PDE6A: variants seen among roughly 807,000 people sequenced by gnomAD.
PDE6A encodes phosphodiesterase 6A, also known as rod cGMP-specific 3',5'-cyclic phosphodiesterase subunit alpha.
PDE6A carries 84 observed loss-of-function variants against 106.3 expected under a neutral mutation model. The ratio of observed to expected loss-of-function variants is 0.79; its 90% CI spans 0.66 to 0.95. The LOEUF (loss-of-function observed/expected upper bound fraction) is 0.95. PDE6A is among the 40% of genes least tolerant of loss of function. The pLI is 0.00. For missense variants in PDE6A, 1,052 were observed against 1,084.9 expected (o/e 0.97, Z 0.43); for synonymous variants, 394 against 386.6 (o/e 1.02, Z -0.23).
chr5:149,935,010 T>G (rs771897274), intron 1 of PDE6A, among the ~76,000 whole-genome samples: 10 of 152,172 alleles, frequency 6.6e-5, no homozygotes, highest in Non-Finnish European at 1.2e-4. Flanking sequence ...TAGAGAAGGC[T>G]TTCTTGAGGT....
At chr5:149,921,873 AAT>A (rs1444982854) in intron 4 of PDE6A, among the ~76,000 whole-genome samples, 164 bp from the exon 5 acceptor site, 1 of 152,190 alleles carries the variant, frequency 6.6e-6, no homozygotes, top group African/African-American at 2.4e-5. Context: ...ACAGTTAGAA[AAT>A]AGTCACATTT....
intron 1 of PDE6A, among the ~76,000 whole-genome samples, chr5:149,943,170 G>A (rs4705100): frequency 2.8e-4 from 43 of 152,106 alleles, no homozygotes; most frequent in African/African-American, 9.4e-4. Context: ...GCGGCCTTCC[G>A]CAGTGCATTG....
chr5:149,867,287 A>G (rs942827125), intron 19 of PDE6A: 19 of 226,684 alleles, frequency 8.4e-5, no homozygotes, highest in Non-Finnish European at 1.6e-4. Flanking sequence ...TTAACTTTCA[A>G]TGTTGACAGG....
chr5:149,895,920 C>T (rs537769622), intron 12 of PDE6A, among the ~76,000 whole-genome samples: 21 of 152,280 alleles, frequency 1.4e-4, no homozygotes, highest in African/African-American at 4.8e-4. Flanking sequence ...TCAGGCAATT[C>T]TGCATATCAT....
At chr5:149,914,398 C>T (rs1222807358) in intron 6 of PDE6A, among the ~76,000 whole-genome samples, 1 of 152,162 alleles carries the variant, frequency 6.6e-6, no homozygotes, top group Non-Finnish European at 1.5e-5. Flanking sequence ...CTGCAGTTTT[C>T]CATGTTTTGA....
At chr5:149,896,566 T>A in intron 11 of PDE6A, 64 bp from the exon 12 acceptor site, 1 of 1,613,940 alleles carries the variant, frequency 6.2e-7, no homozygotes, top group Non-Finnish European at 8.5e-7. Flanking sequence ...CCACCTCCTG[T>A]CCAGCCCTGT....
At chr5:149,937,774 C>G (rs1754225824) in intron 1 of PDE6A, among the ~76,000 whole-genome samples, 1 of 152,214 alleles carries the variant, frequency 6.6e-6, no homozygotes, top group South Asian at 2.1e-4. Context: ...TGTTGCATCT[C>G]ATGATGAGAT....
intron 20 of PDE6A, among the ~76,000 whole-genome samples, chr5:149,864,230 T>C (rs1178178243): frequency 1.4e-5 from 2 of 144,314 alleles, no homozygotes; most frequent in Non-Finnish European, 1.5e-5. Context: ...GAAATCGGGA[T>C]GTTGAGAAGA....
intron 13 of PDE6A, among the ~76,000 whole-genome samples, chr5:149,892,216 TGAGATGG>T (rs1752570765): frequency 6.6e-6 from 1 of 152,032 alleles, no homozygotes; most frequent in East Asian, 1.9e-4. Context: ...CTTGGGAGGC[TGAGATGG>T]GAGGATCACT....
chr5:149,893,694 G>C (rs1752628093), intron 13 of PDE6A, among the ~76,000 whole-genome samples: 1 of 152,214 alleles, frequency 6.6e-6, no homozygotes, highest in East Asian at 1.9e-4. Flanking sequence ...ACTGGACCCT[G>C]TTCAGGAGCT....
intron 17 of PDE6A, among the ~76,000 whole-genome samples, chr5:149,869,262 G>A (rs1411723697): frequency 3.3e-5 from 5 of 151,646 alleles, no homozygotes; most frequent in African/African-American, 7.3e-5. Flanking sequence ...CTCGGGAGGC[G>A]GAGGTTGCAG....
intron 20 of PDE6A, among the ~76,000 whole-genome samples, chr5:149,865,581 T>C (rs1048499099): frequency 8.5e-5 from 13 of 152,216 alleles, no homozygotes; most frequent in Admixed American, 8.5e-4. Context: ...CACTTCTTCC[T>C]AGCAAAGGGC....
intron 17 of PDE6A, among the ~76,000 whole-genome samples, chr5:149,876,131 A>C (rs976331689): frequency 6.6e-6 from 1 of 152,164 alleles, no homozygotes; most frequent in African/African-American, 2.4e-5. Context: ...CTAAGTGTTG[A>C]AAAATTTTCT....
chr5:149,913,381 TAA>T (rs11343433), intron 6 of PDE6A, among the ~76,000 whole-genome samples: 3,799 of 137,424 alleles, frequency 0.028, 77 homozygotes, highest in Non-Finnish European at 0.04. Context: ...GACTCCATCT[TAA>T]AAAAAAAAAA....
In PDE6A at chr5:149,944,370, G is replaced by T. The variant is rs141252097; in HGVS notation, c.304C>A (p.Arg102Ser). 1.5e-4 allele frequency: 239 copies of T among 1,614,124 alleles called. No homozygotes were observed. The highest frequency in any genetic ancestry group is 3.0e-4 in the South Asian group (27 of 91,074). Reference protein sequence around the residue: ...DRMSLFMYRTRNGIAELATRL... With the variant: ...DRMSLFMYRTSNGIAELATRL... ...GTGGCCAGCTCTGCGATGCCATTGC[G>T]GGTCCGGTACATGAACAGGCTCATG... The change falls in exon 1 of 22, where the codon CGC becomes AGC. Residue 102 changes from arginine to serine, a missense_variant. Around this residue, in one of 3 missense-constraint regions of PDE6A, gnomAD observed 913 missense variants for 915.2 expected, o/e 1.00. Transcript: ENST00000255266.
At chr5:149,921,822 A>G (rs1753731110) in intron 4 of PDE6A, 113 bp from the exon 5 acceptor site, 1 of 817,936 alleles carries the variant, frequency 1.2e-6, no homozygotes, top group South Asian at 1.5e-5. Flanking sequence ...AGTGAGAAGA[A>G]CTCAGTGAAA....
chr5:149,937,328 C>T (rs1039619516), intron 1 of PDE6A, among the ~76,000 whole-genome samples: 1 of 152,218 alleles, frequency 6.6e-6, no homozygotes, highest in Non-Finnish European at 1.5e-5. Context: ...GGGCCAGATC[C>T]AGCAGGGCTT....
intron 4 of PDE6A, among the ~76,000 whole-genome samples, chr5:149,924,076 C>A (rs975782017): frequency 2.6e-5 from 4 of 152,122 alleles, no homozygotes; most frequent in African/African-American, 9.7e-5. Context: ...AATTTTAATT[C>A]TAGGCAAAAA....
chr5:149,868,835 A>G (rs1365888281), intron 17 of PDE6A, among the ~76,000 whole-genome samples: 1 of 152,190 alleles, frequency 6.6e-6, no homozygotes, highest in Admixed American at 6.5e-5. Flanking sequence ...TGGAGGCAAT[A>G]TACTCCATTT....
Sources: allele counts gnomAD v4.1 joint callset (sites outside exome capture counted in the v4.1 genomes callset), GRCh38; gene constraint gnomAD v4.1.1; regional missense constraint gnomAD v4.1.1; transcripts MANE v1.5; gene names NCBI Gene and HGNC (gene_info 2026-07-23, HGNC 2026-07-21).